SYN3: variants seen among roughly 807,000 people sequenced by gnomAD.
SYN3 encodes synapsin-3.
In SYN3, 35 loss-of-function variants were observed where a neutral mutation model predicts 65.8. The observed-to-expected ratio is 0.53, with a 90% CI of 0.41 to 0.70. The LOEUF (loss-of-function observed/expected upper bound fraction) is 0.70, where lower values mean the gene tolerates loss of function less well. Among genes scored for constraint, SYN3 ranks in the 30% least tolerant of loss-of-function variants. The probability of loss-of-function intolerance (pLI) is 0.00; values close to 1 mark genes in which losing one functional copy is unlikely to be tolerated. For missense variants in SYN3, 680 were observed against 749.0 expected (o/e 0.91, Z 1.08); for synonymous variants, 270 against 292.9 (o/e 0.92, Z 0.80).
chr22:32,827,555 G>T (rs1318405978), intron 6 of SYN3, among the ~76,000 whole-genome samples: 1 of 152,136 alleles, frequency 6.6e-6, no homozygotes, highest in Non-Finnish European at 1.5e-5. Context: ...CCCCAGAGTG[G>T]GTGGGCAAGG....
At chr22:32,828,820 C>T (rs1037712676) in intron 6 of SYN3, among the ~76,000 whole-genome samples, 5 of 152,102 alleles carry the variant, frequency 3.3e-5, no homozygotes, top group South Asian at 2.1e-4. Context: ...CTGGAGCCAG[C>T]GGTGGGGAGG....
rs930550514 is a variant in SYN3 at position 32,909,661 on chromosome 22, G to A, written c.461+21729C>T. Among the ~76,000 whole-genome samples, 8 of 116,210 alleles carry A rather than the reference G, an allele frequency of 6.9e-5. 1 individual carries two copies. Among genetic ancestry groups the A allele is most frequent in the African/African-American group, 2.4e-4 (7 of 29,472 alleles). The allele number at this position is 116,210 out of a possible 152,430, so 76.2% of individuals were successfully genotyped here. A position where few individuals can be genotyped will look rare whatever the true frequency, so the allele number is the denominator to read the frequency against. Reference sequence around the variant, plus strand: ...CCTCACCCCCAGCTGAAATTTGGCCGGCTCAGTGCCTGGCTGCTGGCCTGA... The same window carrying A: ...CCTCACCCCCAGCTGAAATTTGGCCAGCTCAGTGCCTGGCTGCTGGCCTGA... On this transcript the variant is annotated intron_variant, in intron 4 of 13. Coordinates refer to ENST00000358763, the MANE Select transcript of SYN3 (RefSeq NM_003490.4).
At chr22:32,832,890 G>A (rs1387472619) in intron 6 of SYN3, among the ~76,000 whole-genome samples, 3 of 151,884 alleles carry the variant, frequency 2.0e-5, no homozygotes, top group African/African-American at 7.3e-5. Context: ...ACCATTCCCA[G>A]CTAATTTTTT....
chr22:32,942,490 T>C (rs959672352), intron 3 of SYN3, among the ~76,000 whole-genome samples: 4 of 152,042 alleles, frequency 2.6e-5, no homozygotes, highest in African/African-American at 9.7e-5. Flanking sequence ...ACCACAAAGA[T>C]GGGGAAAAAA....
intron 8 of SYN3, among the ~76,000 whole-genome samples, chr22:32,539,910 C>T (rs183385261): frequency 6.6e-6 from 1 of 152,194 alleles, no homozygotes; most frequent in East Asian, 1.9e-4. Flanking sequence ...TGGAATGGGC[C>T]ATAACTCAGA....
chr22:32,888,143 T>C (rs2049345753), intron 4 of SYN3, among the ~76,000 whole-genome samples: 1 of 152,238 alleles, frequency 6.6e-6, no homozygotes, highest in African/African-American at 2.4e-5. Flanking sequence ...GAGTGGCTAT[T>C]TGAGTCTCAA....
At chr22:32,928,988 A>C (rs2050554370) in intron 4 of SYN3, among the ~76,000 whole-genome samples, 1 of 152,240 alleles carries the variant, frequency 6.6e-6, no homozygotes, top group Admixed American at 6.5e-5. Context: ...TTTAAAAAAA[A>C]AATGGTTGTA....
chr22:32,528,818 A>G (rs2058023848), intron 11 of SYN3, 56 bp downstream of exon 11: 1 of 1,607,822 alleles, frequency 6.2e-7, no homozygotes, highest in Non-Finnish European at 8.5e-7. Flanking sequence ...CCCCATTTCC[A>G]GACAGCCTGG....
At position 32,908,219 on chromosome 22, in the gene SYN3, G is replaced by A. The variant is rs568552986; in HGVS notation, c.461+23171C>T. 1.7e-4 allele frequency among the ~76,000 whole-genome samples: 26 copies of A among 151,964 alleles called. No homozygotes were observed. In the South Asian group the frequency reaches 5.4e-3, roughly 32 times the overall value. On this transcript the variant is annotated intron_variant, in intron 4 of 13. Coordinates refer to ENST00000358763, the MANE Select transcript of SYN3 (RefSeq NM_003490.4). ...TCCTGACTCAGCCTCCTGAGTAGCTGGGATTATAAGTGCCCACTACCACGC... is the reference window on the plus strand; with the variant it reads ...TCCTGACTCAGCCTCCTGAGTAGCTAGGATTATAAGTGCCCACTACCACGC...
chr22:32,630,139 A>AT (rs2146811198), intron 6 of SYN3, among the ~76,000 whole-genome samples: 1 of 151,936 alleles, frequency 6.6e-6, no homozygotes, highest in East Asian at 1.9e-4. Flanking sequence ...GCCCACCACC[A>AT]TGCCCAGCTA....
intron 6 of SYN3, among the ~76,000 whole-genome samples, chr22:32,612,857 A>AAATG (rs974030747): frequency 5.9e-5 from 9 of 152,090 alleles, no homozygotes; most frequent in African/African-American, 2.2e-4. Flanking sequence ...ATAAATAAAT[A>AAATG]AATAAATGAT....
intron 1 of SYN3, among the ~76,000 whole-genome samples, chr22:33,044,785 T>G (rs904459332): frequency 6.6e-6 from 1 of 151,802 alleles, no homozygotes; most frequent in African/African-American, 2.4e-5. Context: ...ACAGGTCTCC[T>G]ACTTGAGGGA....
rs540978264 is a variant in SYN3 at position 32,802,387 on chromosome 22, G to A, written c.711+62528C>T. Among the ~76,000 whole-genome samples the A allele has an allele frequency of 3.3e-5, 5 of 152,212 alleles. No homozygotes were observed. In the South Asian group the frequency reaches 8.3e-4, roughly 25 times the overall value. On this transcript the variant is annotated intron_variant, in intron 6 of 13. Coordinates refer to ENST00000358763, the MANE Select transcript of SYN3 (RefSeq NM_003490.4). ...TAACTTAGGTCGTGAGGTTCCTACC[G>A]GTCCTTTTGACATCTGGAAAATGTC... is the stretch of plus-strand genomic sequence containing the variant.
intron 6 of SYN3, among the ~76,000 whole-genome samples, chr22:32,817,863 G>A (rs1255464863): frequency 6.6e-6 from 1 of 152,170 alleles, no homozygotes; most frequent in Non-Finnish European, 1.5e-5. Context: ...ACATACCGGT[G>A]CAACCCCACC....
At chr22:32,531,148 C>CA (rs59432094) in intron 10 of SYN3, among the ~76,000 whole-genome samples, 576 of 26,142 alleles carry the variant, frequency 0.022, 78 homozygotes, top group African/African-American at 0.051. Context: ...GACCCCGTCT[C>CA]AAAAAAAAAA....
At chr22:32,524,746 C>T (rs975315160) in intron 12 of SYN3, among the ~76,000 whole-genome samples, 2 of 152,230 alleles carry the variant, frequency 1.3e-5, no homozygotes, top group African/African-American at 4.8e-5. Flanking sequence ...TGCAGTGGCT[C>T]ATGCCTGTAA....
intron 6 of SYN3, among the ~76,000 whole-genome samples, chr22:32,623,694 T>C (rs2059626335): frequency 6.6e-6 from 1 of 152,258 alleles, no homozygotes; most frequent in African/African-American, 2.4e-5. Flanking sequence ...TTGATTTCTT[T>C]AACTCTGTAT....
intron 7 of SYN3, among the ~76,000 whole-genome samples, chr22:32,561,130 C>T (rs562006537): frequency 6.6e-6 from 1 of 152,256 alleles, no homozygotes; most frequent in Admixed American, 6.5e-5. Flanking sequence ...AGAAAGTCTC[C>T]CTCCAGGTTT....
At chr22:32,627,174 C>T (rs1164577329) in intron 6 of SYN3, among the ~76,000 whole-genome samples, 1 of 146,494 alleles carries the variant, frequency 6.8e-6, no homozygotes, top group African/African-American at 2.5e-5. Context: ...CTTCCTGCAA[C>T]AGCGGCAGGG....
Sources: allele counts gnomAD v4.1 joint callset (sites outside exome capture counted in the v4.1 genomes callset), GRCh38; gene constraint gnomAD v4.1.1; transcripts MANE v1.5; gene names NCBI Gene and HGNC (gene_info 2026-07-23, HGNC 2026-07-21).